Variants in MSRA observed in about 807,000 individuals in gnomAD.
The protein encoded by MSRA is methionine sulfoxide reductase A, also known as mitochondrial peptide methionine sulfoxide reductase.
A neutral mutation model predicts 31.3 loss-of-function variants in MSRA; 54 were observed. The ratio of observed to expected loss-of-function variants is 1.73; its 90% CI spans 1.39 to 2.17. The LOEUF (loss-of-function observed/expected upper bound fraction) is 2.17. MSRA is among the 30% of genes most tolerant of loss of function. The pLI, the probability that MSRA is intolerant of heterozygous loss-of-function variation, is 0.00. For synonymous variants in MSRA, 169 were observed against 116.5 expected (o/e 1.45, Z -2.90); for missense variants, 507 against 300.9 (o/e 1.69, Z -5.07).
chr8:10,332,783 T>C (rs1802781175), intron 5 of MSRA, among the ~76,000 whole-genome samples: 1 of 152,204 alleles, frequency 6.6e-6, no homozygotes, highest in African/African-American at 2.4e-5. Flanking sequence ...CCTTGGGCAT[T>C]TGTTCATTAA....
At chr8:10,206,590 C>T (rs1009519060) in intron 1 of MSRA, among the ~76,000 whole-genome samples, 4 of 152,230 alleles carry the variant, frequency 2.6e-5, no homozygotes, top group Non-Finnish European at 4.4e-5. Flanking sequence ...AGCACCTCCA[C>T]TGCACCAAGA....
At chr8:10,398,008 C>T (rs1303524469) in intron 5 of MSRA, among the ~76,000 whole-genome samples, 1 of 152,132 alleles carries the variant, frequency 6.6e-6, no homozygotes, top group East Asian at 1.9e-4. Context: ...ATTGATTCAG[C>T]ACAAGTAAAG....
chr8:10,267,211 C>T (rs1467289820), intron 3 of MSRA, among the ~76,000 whole-genome samples: 1 of 152,170 alleles, frequency 6.6e-6, no homozygotes, highest in Non-Finnish European at 1.5e-5. Context: ...GGACACAGTG[C>T]TTAATCATGT....
intron 1 of MSRA, among the ~76,000 whole-genome samples, chr8:10,134,607 C>T (rs992065310): frequency 6.6e-6 from 1 of 152,172 alleles, no homozygotes; most frequent in East Asian, 1.9e-4. Context: ...TTACCCGTGA[C>T]CTGTGGTCAT....
intron 2 of MSRA, among the ~76,000 whole-genome samples, chr8:10,227,831 C>G (rs1424265749): frequency 6.6e-6 from 1 of 152,146 alleles, no homozygotes; most frequent in African/African-American, 2.4e-5. Flanking sequence ...AAGGTATTTT[C>G]AAATTTTGTA....
At chr8:10,318,937 G>T (rs765570890) in intron 4 of MSRA, among the ~76,000 whole-genome samples, 1 of 152,094 alleles carries the variant, frequency 6.6e-6, no homozygotes, top group South Asian at 2.1e-4. Flanking sequence ...GCACTGCTCC[G>T]CAGTCCTTAC....
chr8:10,196,977 A>C (rs1330960618), intron 1 of MSRA, among the ~76,000 whole-genome samples: 2 of 152,196 alleles, frequency 1.3e-5, no homozygotes, highest in Admixed American at 1.3e-4. Flanking sequence ...TTTAGACTCA[A>C]TAGGAAACAC....
intron 2 of MSRA, among the ~76,000 whole-genome samples, chr8:10,242,340 G>A (rs1444796944): frequency 6.6e-6 from 1 of 152,028 alleles, no homozygotes; most frequent in Admixed American, 6.6e-5. Context: ...GTCAGGGGTG[G>A]ACACTTAGAT....
At chr8:10,055,770 T>C (rs978550657) in intron 1 of MSRA, among the ~76,000 whole-genome samples, 4 of 152,254 alleles carry the variant, frequency 2.6e-5, no homozygotes, top group Non-Finnish European at 5.9e-5. Context: ...GGAGGTCATA[T>C]TGAGAGTTTG....
intron 1 of MSRA, among the ~76,000 whole-genome samples, chr8:10,167,118 A>G (rs554052070): frequency 1.3e-5 from 2 of 152,084 alleles, no homozygotes; most frequent in South Asian, 2.1e-4. Flanking sequence ...TTCTCTTCCA[A>G]CACTGCTTCC....
intron 2 of MSRA, among the ~76,000 whole-genome samples, chr8:10,229,508 A>G (rs1251225981): frequency 2.0e-5 from 3 of 152,116 alleles, no homozygotes; most frequent in Non-Finnish European, 4.4e-5. Context: ...GATCAGGGTG[A>G]CCAGAGGAGC....
intron 3 of MSRA, among the ~76,000 whole-genome samples, chr8:10,278,864 G>C (rs1048119784): frequency 6.6e-6 from 1 of 152,156 alleles, no homozygotes; most frequent in African/African-American, 2.4e-5. Flanking sequence ...AATTTGACTT[G>C]TGGCTTAGTC....
At chr8:10,336,401 A>T (rs1585510392) in intron 5 of MSRA, among the ~76,000 whole-genome samples, 1 of 151,500 alleles carries the variant, frequency 6.6e-6, no homozygotes, top group African/African-American at 2.4e-5. Flanking sequence ...AGAGCCTAAC[A>T]CCCAAGCACA....
chr8:10,083,496 C>G (rs990776987), intron 1 of MSRA, among the ~76,000 whole-genome samples: 1 of 152,174 alleles, frequency 6.6e-6, no homozygotes. Flanking sequence ...TATTGATGCA[C>G]TTAAAGTTTT....
intron 1 of MSRA, among the ~76,000 whole-genome samples, chr8:10,064,004 G>T (rs929298993): frequency 5.3e-5 from 8 of 152,176 alleles, no homozygotes; most frequent in Non-Finnish European, 8.8e-5. Flanking sequence ...TGGAACTAGG[G>T]CTTTGGGGCT....
chr8:10,256,325 A>G (rs77722500), intron 3 of MSRA, among the ~76,000 whole-genome samples: 5,650 of 152,298 alleles, frequency 0.037, 145 homozygotes, highest in East Asian at 0.088. Flanking sequence ...GCACTGAATA[A>G]TATTCCATGG....
chr8:10,404,577 C>T (rs1023019134), intron 5 of MSRA, among the ~76,000 whole-genome samples: 4 of 152,258 alleles, frequency 2.6e-5, no homozygotes, highest in Non-Finnish European at 5.9e-5. Flanking sequence ...TCAGCAGCTG[C>T]TTCTGACAGG....
At chr8:10,075,846 C>T (rs937352191) in intron 1 of MSRA, among the ~76,000 whole-genome samples, 2 of 152,206 alleles carry the variant, frequency 1.3e-5, no homozygotes, top group African/African-American at 4.8e-5. Context: ...GTACCACTTT[C>T]CTCTCTTTTC....
chr8:10,230,917 T>C (rs1811417250), intron 2 of MSRA, among the ~76,000 whole-genome samples: 1 of 152,202 alleles, frequency 6.6e-6, no homozygotes, highest in Non-Finnish European at 1.5e-5. Context: ...CCCAAGTAGC[T>C]GGGATTACCA....
Sources: gnomAD v4.1 joint callset for allele counts (sites outside exome capture counted in the v4.1 genomes callset) on GRCh38, gnomAD v4.1.1 for gene constraint, MANE v1.5 for transcripts, NCBI Gene and HGNC (gene_info 2026-07-23, HGNC 2026-07-21) for gene names.